TMEM117: variants seen among roughly 807,000 people sequenced by gnomAD.
The protein encoded by TMEM117 is transmembrane protein 117.
TMEM117 carries 27 observed loss-of-function variants against 52.4 expected under a neutral mutation model. The ratio of observed to expected loss-of-function variants is 0.51; its 90% CI spans 0.38 to 0.71. The LOEUF is 0.71. Among genes scored for constraint, TMEM117 ranks in the 30% least tolerant of loss-of-function variants. The probability of loss-of-function intolerance (pLI) is 0.00; values close to 1 mark genes in which losing one functional copy is unlikely to be tolerated. For synonymous variants in TMEM117, 215 were observed against 206.3 expected (o/e 1.04, Z -0.36); for missense variants, 556 against 630.5 (o/e 0.88, Z 1.26).
chr12:43,943,619 A>G (rs901138231), intron 2 of TMEM117, among the ~76,000 whole-genome samples: 1 of 152,164 alleles, frequency 6.6e-6, no homozygotes, highest in African/African-American at 2.4e-5. Flanking sequence ...TAACACATAC[A>G]TTGTCACCTC....
chr12:44,131,449 G>A (rs760672531), intron 3 of TMEM117, among the ~76,000 whole-genome samples: 11 of 152,066 alleles, frequency 7.2e-5, no homozygotes, highest in Non-Finnish European at 1.5e-4. Context: ...TTAAAAGAAT[G>A]TGCATTCTGT....
At chr12:44,350,305 T>A (rs1201803158) in intron 6 of TMEM117, among the ~76,000 whole-genome samples, 1 of 151,968 alleles carries the variant, frequency 6.6e-6, no homozygotes, top group Non-Finnish European at 1.5e-5. Context: ...GTACATAAGA[T>A]TTTTTGATAC....
At chr12:44,052,867 T>C (rs558730990) in intron 3 of TMEM117, among the ~76,000 whole-genome samples, 1 of 152,106 alleles carries the variant, frequency 6.6e-6, no homozygotes, top group African/African-American at 2.4e-5. Flanking sequence ...AGGGGACACA[T>C]ATGAGTCTCT....
intron 3 of TMEM117, among the ~76,000 whole-genome samples, chr12:44,081,979 A>G (rs1947488457): frequency 6.6e-6 from 1 of 152,080 alleles, no homozygotes; most frequent in African/African-American, 2.4e-5. Flanking sequence ...GTATAACAGA[A>G]AAACTCCCCT....
At chr12:43,902,916 CT>C (rs1463466169) in intron 2 of TMEM117, among the ~76,000 whole-genome samples, 5 of 151,912 alleles carry the variant, frequency 3.3e-5, no homozygotes, top group Non-Finnish European at 5.9e-5. Context: ...AAAAAAAATG[CT>C]GCAAGTAAAT....
chr12:44,271,414 C>T (rs1950444147), intron 5 of TMEM117, among the ~76,000 whole-genome samples: 4 of 151,930 alleles, frequency 2.6e-5, no homozygotes, highest in Non-Finnish European at 4.4e-5. Flanking sequence ...ATATAGGCCA[C>T]TGGAACAGAA....
chr12:44,313,469 G>T (rs1162326919), intron 6 of TMEM117, among the ~76,000 whole-genome samples: 1 of 152,032 alleles, frequency 6.6e-6, no homozygotes, highest in Non-Finnish European at 1.5e-5. Flanking sequence ...TATTCTGTCT[G>T]TCTGTTTTTG....
At chr12:44,086,294 A>G (rs917422755) in intron 3 of TMEM117, among the ~76,000 whole-genome samples, 4 of 150,550 alleles carry the variant, frequency 2.7e-5, no homozygotes, top group Non-Finnish European at 5.9e-5. Flanking sequence ...GCTCACTGCA[A>G]CCTGCGCCTC....
chr12:44,142,010 A>T (rs920933184), intron 3 of TMEM117, among the ~76,000 whole-genome samples: 2 of 152,208 alleles, frequency 1.3e-5, no homozygotes, highest in African/African-American at 2.4e-5. Flanking sequence ...TATAAGAAGA[A>T]GATGTTGCTT....
chr12:43,951,995 A>G (rs1339011461), intron 3 of TMEM117, among the ~76,000 whole-genome samples: 2 of 152,190 alleles, frequency 1.3e-5, no homozygotes, highest in Non-Finnish European at 2.9e-5. Context: ...ACCCAGGCGA[A>G]CAGAGTCTGG....
intron 3 of TMEM117, among the ~76,000 whole-genome samples, chr12:44,060,941 G>C (rs917137990): frequency 6.6e-6 from 1 of 152,158 alleles, no homozygotes; most frequent in Non-Finnish European, 1.5e-5. Context: ...TGTTTGGTGG[G>C]GGAGAGTTAC....
intron 3 of TMEM117, among the ~76,000 whole-genome samples, chr12:43,965,817 C>T (rs954094956): frequency 3.3e-5 from 5 of 152,140 alleles, no homozygotes; most frequent in Non-Finnish European, 1.5e-5. Flanking sequence ...TTGCGTGACA[C>T]TGAGGTTTCG....
rs566529143 is a variant in TMEM117 at position 44,299,912 on chromosome 12, T to C, written c.768+173T>C. Among the ~76,000 whole-genome samples the C allele has an allele frequency of 1.2e-4, 19 of 152,294 alleles. 1 individual carries two copies. Among genetic ancestry groups the C allele is most frequent in the Admixed American group, 7.8e-4 (12 of 15,308 alleles). ...CTATTATACTGGGAGGGAAAGCCAA[T>C]TGGACTTTTATAAGAGGGGCACCAA... On this transcript the variant is annotated intron_variant, in intron 6 of 7. Transcript: ENST00000266534.
At chr12:44,365,810 GT>G (rs1416164450) in intron 6 of TMEM117, among the ~76,000 whole-genome samples, 3 of 151,778 alleles carry the variant, frequency 2.0e-5, no homozygotes, top group African/African-American at 7.3e-5. Context: ...GAACGTGCAG[GT>G]TTGTTACATA....
intron 5 of TMEM117, among the ~76,000 whole-genome samples, chr12:44,281,625 TC>T (rs760257687): frequency 1.8e-4 from 28 of 152,228 alleles, no homozygotes; most frequent in Non-Finnish European, 2.4e-4. Flanking sequence ...CTTTTTCTTT[TC>T]TTTTTTAAAA....
In TMEM117 at chr12:44,211,292, C is replaced by G; in HGVS notation, c.513C>G (p.Val171=). ...ATAAGTTCCTTTCATTGCTTCAGGT[C>G]ACTGATATGATGCTTCAGGACAAAC... ...WMGDFVTAWM[V]TDMMLQDKPY... The change falls in exon 5 of 8, where the codon GTC becomes GTG. Residue 171 remains valine, a splice_region_variant and synonymous_variant. Transcript: ENST00000266534. The G allele has an allele frequency of 1.2e-6, 2 of 1,606,180 alleles. No individual in the cohort carries two copies.
At chr12:44,357,994 A>G (rs979633351) in intron 6 of TMEM117, among the ~76,000 whole-genome samples, 1 of 152,202 alleles carries the variant, frequency 6.6e-6, no homozygotes, top group Admixed American at 6.6e-5. Context: ...TGCAGCCATA[A>G]CAAAGAACAA....
the TMEM117 span, among the ~76,000 whole-genome samples, chr12:43,825,335 G>T: frequency 1.3e-5 from 2 of 152,136 alleles, no homozygotes; most frequent in South Asian, 4.1e-4. Context: ...AGTTTGGCTG[G>T]GTGGACCCCA....
chr12:44,346,330 A>T (rs1951486217), intron 6 of TMEM117, among the ~76,000 whole-genome samples: 3 of 152,108 alleles, frequency 2.0e-5, no homozygotes, highest in Admixed American at 2.0e-4. Context: ...GTTCCTGCAT[A>T]ATGATGCTTT....
Sources: gnomAD v4.1 joint callset for allele counts (sites outside exome capture counted in the v4.1 genomes callset) on GRCh38, gnomAD v4.1.1 for gene constraint, MANE v1.5 for transcripts, NCBI Gene and HGNC (gene_info 2026-07-23, HGNC 2026-07-21) for gene names.